The following HIVEP3 variants were observed in gnomAD, a reference collection of about 807,000 sequenced individuals.
HIVEP3 encodes the protein HIVEP zinc finger 3.
In HIVEP3, 49 loss-of-function variants were observed where a neutral mutation model predicts 152.8. The observed-to-expected ratio is 0.32, with a 90% CI of 0.26 to 0.41. The LOEUF (loss-of-function observed/expected upper bound fraction) is 0.41. HIVEP3 is among the 10% of genes least tolerant of loss of function. The probability of loss-of-function intolerance (pLI) is 1.00; values close to 1 mark genes in which losing one functional copy is unlikely to be tolerated. For missense variants in HIVEP3, 2,790 were observed against 3,103.3 expected, an observed-to-expected ratio of 0.90 and a Z score of 2.40; for synonymous variants, 1,269 against 1,289.0, an observed-to-expected ratio of 0.98 and a Z score of 0.33.
rs760269815 is a variant in HIVEP3, at chr1:41,706,021, G to A, written c.-800-5026C>T. ...CACAACCATGCAAACACATGGAAAG[G>A]GTTAACCTACCATTGAAAACTAGGG... On this transcript the variant is annotated intron_variant, in intron 1 of 8. Coordinates refer to ENST00000372583, the MANE Select transcript of HIVEP3 (RefSeq NM_024503.5). Among the ~76,000 whole-genome samples, 5 of 152,300 alleles carry A rather than the reference G, an allele frequency of 3.3e-5. No individual in the cohort carries two copies. In the South Asian group the frequency reaches 6.2e-4, roughly 19 times the overall value.
At chr1:41,514,453 G>A (rs1336091716) in intron 7 of HIVEP3, among the ~76,000 whole-genome samples, 2 of 152,242 alleles carry the variant, frequency 1.3e-5, no homozygotes, top group African/African-American at 4.8e-5. Context: ...CATCTGCCAC[G>A]GTGACCAGGC....
upstream of HIVEP3, among the ~76,000 whole-genome samples, chr1:41,923,804 G>T (rs1002124311): frequency 6.6e-6 from 1 of 151,948 alleles, no homozygotes; most frequent in South Asian, 2.1e-4. Flanking sequence ...ATAAAATAAG[G>T]CTTTAAAAAT....
chr1:41,769,828 A>G (rs1043228587), intron 1 of HIVEP3, among the ~76,000 whole-genome samples: 2 of 152,262 alleles, frequency 1.3e-5, no homozygotes, highest in South Asian at 4.1e-4. Flanking sequence ...AAATGGGGAG[A>G]AGGGACAACT....
chr1:41,526,621 T>TCACCCACACA (rs1642936624), intron 5 of HIVEP3, among the ~76,000 whole-genome samples: 1 of 3,996 alleles, frequency 2.5e-4, no homozygotes, highest in East Asian at 0.021. Context: ...ACCCCCACCT[T>TCACCCACACA]CACCCTCACA....
At chr1:41,794,291 T>C (rs774553871) in intron 1 of HIVEP3, among the ~76,000 whole-genome samples, 10 of 152,224 alleles carry the variant, frequency 6.6e-5, no homozygotes, top group East Asian at 1.9e-4. Context: ...ACAATGACAG[T>C]AGGGGGGAAA....
chr1:41,845,419 G>GCGCACA (rs1233208770), intron 1 of HIVEP3, among the ~76,000 whole-genome samples: 12 of 136,186 alleles, frequency 8.8e-5, no homozygotes, highest in East Asian at 4.6e-4. Flanking sequence ...ACACACACAC[G>GCGCACA]CACACACACA....
intron 5 of HIVEP3, among the ~76,000 whole-genome samples, chr1:41,554,467 G>A (rs749460309): frequency 8.5e-5 from 13 of 152,226 alleles, no homozygotes; most frequent in South Asian, 6.2e-4. Flanking sequence ...TGTTATTACC[G>A]ACCTTCTGAA....
intron 1 of HIVEP3, among the ~76,000 whole-genome samples, chr1:41,871,984 A>T (rs535094723): frequency 6.6e-6 from 1 of 152,368 alleles, no homozygotes; most frequent in Non-Finnish European, 1.5e-5. Flanking sequence ...ATTTATATAC[A>T]GTAAAATGCA....
In HIVEP3 at chr1:41,952,822, T is replaced by C. The variant is rs138546984; in HGVS notation, n.120-34298A>G. 4.2e-3 allele frequency among the ~76,000 whole-genome samples: 644 copies of C among 152,326 alleles called. 2 individuals carry two copies. The highest frequency in any genetic ancestry group is 7.8e-3 in the Non-Finnish European group (529 of 68,024). On this transcript the variant is annotated intron_variant and non_coding_transcript_variant, in intron 1 of 3. Transcript: ENST00000489103. The stretch of plus-strand genomic sequence containing the variant: ...ACTGACACCCAAAGATCGTGTGATA[T>C]AAAATATCATTTATTTTTAAATGAT...
chr1:41,900,491 T>G (rs1213790866), intron 1 of HIVEP3, among the ~76,000 whole-genome samples: 1 of 152,128 alleles, frequency 6.6e-6, no homozygotes, highest in African/African-American at 2.4e-5. Flanking sequence ...AGACTTCGTT[T>G]ATTATATTAT....
chr1:41,930,594 GTGAAC>G (rs1336088535), intron 1 of HIVEP3, among the ~76,000 whole-genome samples: 2 of 152,280 alleles, frequency 1.3e-5, no homozygotes, highest in East Asian at 3.9e-4. Flanking sequence ...GGGTTTCTAA[GTGAAC>G]ACAAAATTTC....
upstream of HIVEP3, among the ~76,000 whole-genome samples, chr1:41,919,343 G>A (rs991601307): frequency 4.6e-5 from 7 of 152,152 alleles, no homozygotes; most frequent in African/African-American, 7.2e-5. Context: ...ATCAGGGGCC[G>A]GGGAGCCTCA....
intron 1 of HIVEP3, among the ~76,000 whole-genome samples, chr1:41,725,381 CA>C (rs1263303728): frequency 6.6e-6 from 1 of 152,182 alleles, no homozygotes; most frequent in African/African-American, 2.4e-5. Flanking sequence ...GGCAAGAGAA[CA>C]GACATCTCTT....
chr1:41,710,525 C>T (rs995810564), intron 1 of HIVEP3, among the ~76,000 whole-genome samples: 1 of 152,214 alleles, frequency 6.6e-6, no homozygotes, highest in Non-Finnish European at 1.5e-5. Context: ...ATCCTCTCCC[C>T]CATCTCTTCT....
At chr1:42,024,157 T>A (rs1422286975) in intron 1 of HIVEP3, among the ~76,000 whole-genome samples, 1 of 152,234 alleles carries the variant, frequency 6.6e-6, no homozygotes, top group African/African-American at 2.4e-5. Flanking sequence ...GAAATAACTA[T>A]GATCATGGAT....
intron 1 of HIVEP3, among the ~76,000 whole-genome samples, chr1:41,951,487 A>G (rs1342594205): frequency 6.6e-6 from 1 of 152,218 alleles, no homozygotes; most frequent in Non-Finnish European, 1.5e-5. Flanking sequence ...GTCTGGGTGG[A>G]GATGAGAGAA....
chr1:41,510,382 C>T lies in HIVEP3; in HGVS notation c.*69G>A, dbSNP rs532142982. The stretch of plus-strand genomic sequence containing the variant: ...ATGGGGCTGAGGAAGTGGGATGATT[C>T]GAGGAAAGTGGCTGGAAACGTCTGT... On this transcript the variant is annotated 3_prime_UTR_variant, in exon 9 of 9. Coordinates refer to ENST00000372583, the MANE Select transcript of HIVEP3 (RefSeq NM_024503.5). 28 of 1,319,116 alleles carry T rather than the reference C, an allele frequency of 2.1e-5. No homozygotes were observed. The South Asian group carries it at 2.9e-4, about 14-fold the overall frequency. 81.7% of individuals were successfully genotyped at this position (1,319,116 alleles called of 1,614,324 possible). A position where few individuals can be genotyped will look rare whatever the true frequency, so the allele number is the denominator to read the frequency against.
In HIVEP3 at chr1:41,681,020, G is replaced by T. The variant is rs866132318; in HGVS notation, c.-721+19896C>A. ...GTATTAATACTATTCCCAATTTGCA[G>T]ATGAGAAAACTGAGGCTCAAAGTCC... is the stretch of plus-strand genomic sequence containing the variant. On this transcript the variant is annotated intron_variant, in intron 2 of 8. Transcript: ENST00000372583. Among the ~76,000 whole-genome samples the T allele has an allele frequency of 2.0e-5, 3 of 152,242 alleles. No individual in the cohort carries two copies. In the South Asian group the frequency reaches 6.2e-4, roughly 32 times the overall value.
intron 1 of HIVEP3, among the ~76,000 whole-genome samples, chr1:41,810,265 A>T (rs1304309171): frequency 6.6e-6 from 1 of 152,196 alleles, no homozygotes; most frequent in African/African-American, 2.4e-5. Flanking sequence ...GGCAGCAACA[A>T]TCCTTTCAGT....
Sources: allele counts gnomAD v4.1 joint callset (sites outside exome capture counted in the v4.1 genomes callset), GRCh38; gene constraint gnomAD v4.1.1; transcripts MANE v1.5; gene names NCBI Gene and HGNC (gene_info 2026-07-23, HGNC 2026-07-21).